RIGI: variants seen among roughly 807,000 people sequenced by gnomAD.
The protein encoded by RIGI is antiviral innate immune response receptor RIG-I.
the RIGI span, among the ~76,000 whole-genome samples, chr9:32,522,359 T>C: frequency 6.6e-6 from 1 of 152,196 alleles, no homozygotes; most frequent in Non-Finnish European, 1.5e-5. Context: ...TTATAAACTA[T>C]TTGTGAATAT....
At chr9:32,508,411 C>T in the RIGI span, among the ~76,000 whole-genome samples, 4 of 151,782 alleles carry the variant, frequency 2.6e-5, no homozygotes, top group African/African-American at 9.7e-5. Context: ...GTTCACCTCA[C>T]TGGGACTGGA....
the RIGI span, among the ~76,000 whole-genome samples, chr9:32,471,682 TG>T: frequency 6.6e-6 from 1 of 152,178 alleles, no homozygotes; most frequent in Non-Finnish European, 1.5e-5. Flanking sequence ...AAATAAATGT[TG>T]TTGAATGAAC....
At chr9:32,458,889 CTTTT>C in the RIGI span, among the ~76,000 whole-genome samples, 1 of 125,024 alleles carries the variant, frequency 8.0e-6, no homozygotes, top group Non-Finnish European at 1.6e-5. Flanking sequence ...TTTAGCATGA[CTTTT>C]TTTTTTTTTT....
chr9:32,456,975 T>TATATA, the RIGI span: 31 of 630,566 alleles, frequency 4.9e-5, no homozygotes, highest in African/African-American at 5.3e-4. Context: ...GTGCTTTGCA[T>TATATA]ATATAATATA....
the RIGI span, chr9:32,491,438 A>T: frequency 1.3e-6 from 2 of 1,579,946 alleles, no homozygotes; most frequent in South Asian, 1.2e-5. Context: ...AGACCAAAAA[A>T]GTCTTAGAAT....
the RIGI span, among the ~76,000 whole-genome samples, chr9:32,491,775 T>C: frequency 1.3e-5 from 2 of 151,308 alleles, no homozygotes; most frequent in Admixed American, 6.6e-5. Flanking sequence ...CTTTTCTGAC[T>C]GACTCTTGAC....
the RIGI span, among the ~76,000 whole-genome samples, chr9:32,504,937 T>G: frequency 4.2e-5 from 5 of 119,088 alleles, no homozygotes; most frequent in Non-Finnish European, 7.3e-5. Flanking sequence ...AGATATAATA[T>G]ATATTTAAAC....
the RIGI span, among the ~76,000 whole-genome samples, chr9:32,459,007 G>T: frequency 6.7e-6 from 1 of 150,314 alleles, no homozygotes; most frequent in Non-Finnish European, 1.5e-5. Flanking sequence ...TCCTGCCTCA[G>T]CCTCCCGAGT....
chr9:32,483,698 G>GT, the RIGI span, among the ~76,000 whole-genome samples: 1 of 744 alleles, frequency 1.3e-3, no homozygotes, highest in African/African-American at 1.7e-3. Flanking sequence ...AGCCTTTAGT[G>GT]GTCCTGCAGC....
chr9:32,510,822 T>A, the RIGI span, among the ~76,000 whole-genome samples: 3 of 151,744 alleles, frequency 2.0e-5, no homozygotes, highest in Non-Finnish European at 4.4e-5. Flanking sequence ...GACCCATTGG[T>A]GTGCTGTATT....
the RIGI span, among the ~76,000 whole-genome samples, chr9:32,477,769 A>C: frequency 6.6e-6 from 1 of 152,004 alleles, no homozygotes; most frequent in Non-Finnish European, 1.5e-5. Flanking sequence ...TACTTAAAAT[A>C]CAAAAATTAG....
the RIGI span, among the ~76,000 whole-genome samples, chr9:32,513,662 G>A: frequency 6.6e-6 from 1 of 152,134 alleles, no homozygotes; most frequent in Non-Finnish European, 1.5e-5. Context: ...CAGGACATAG[G>A]CACGGGCAAA....
chr9:32,494,267 A>G, the RIGI span, among the ~76,000 whole-genome samples: 1 of 152,158 alleles, frequency 6.6e-6, no homozygotes, highest in East Asian at 1.9e-4. Flanking sequence ...TGTCTTTAAA[A>G]AGTCAGAGTC....
chr9:32,495,491 G>A, the RIGI span, among the ~76,000 whole-genome samples: 22 of 151,830 alleles, frequency 1.4e-4, no homozygotes, highest in Non-Finnish European at 2.7e-4. Flanking sequence ...ATGAGCCACT[G>A]TGCCCAGCTT....
chr9:32,482,156 T>C, the RIGI span, among the ~76,000 whole-genome samples: 1 of 151,938 alleles, frequency 6.6e-6, no homozygotes, highest in Non-Finnish European at 1.5e-5. Context: ...TTCCCTCCCT[T>C]GAGTTTTAAG....
the RIGI span, among the ~76,000 whole-genome samples, chr9:32,497,575 G>A: frequency 1.6e-4 from 24 of 152,206 alleles, no homozygotes; most frequent in East Asian, 3.7e-3. Context: ...GTGAAACCCC[G>A]TCTCTACTAA....
chr9:32,457,028 G>T, the RIGI span: 3 of 923,578 alleles, frequency 3.2e-6, no homozygotes, highest in Non-Finnish European at 5.0e-6. Flanking sequence ...TATTTTCACA[G>T]GGGTACAAGC....
the RIGI span, among the ~76,000 whole-genome samples, chr9:32,520,055 G>A: frequency 6.6e-6 from 1 of 151,460 alleles, no homozygotes; most frequent in African/African-American, 2.4e-5. Flanking sequence ...TCCTTGTTTT[G>A]TTGTATACTT....
chr9:32,481,584 T>A, the RIGI span: 1 of 994,636 alleles, frequency 1.0e-6, no homozygotes, highest in Non-Finnish European at 1.4e-6. Flanking sequence ...CTAATTTTCT[T>A]TTTCTTTTTT....
Sources: gnomAD v4.1 joint callset for allele counts (sites outside exome capture counted in the v4.1 genomes callset) on GRCh38, gnomAD v4.1.1 for gene constraint, MANE v1.5 for transcripts, NCBI Gene and HGNC (gene_info 2026-07-23, HGNC 2026-07-21) for gene names.